The following MAP4K3 variants were observed in gnomAD, a reference collection of about 807,000 sequenced individuals.
The protein encoded by MAP4K3 is mitogen-activated protein kinase kinase kinase kinase 3, also known as MAPK/ERK kinase kinase kinase 3.
Under a neutral mutation model 143.5 loss-of-function variants are expected in MAP4K3, and 94 were observed. The observed-to-expected ratio is 0.65, with a 90% CI of 0.55 to 0.78. The LOEUF (loss-of-function observed/expected upper bound fraction) is 0.78. MAP4K3 is among the 30% of genes least tolerant of loss of function. MAP4K3 has a pLI of 0.00. For missense variants in MAP4K3, 1,077 were observed against 1,068.1 expected, an observed-to-expected ratio of 1.01 and a Z score of -0.12; for synonymous variants, 416 against 347.2, an observed-to-expected ratio of 1.20 and a Z score of -2.20.
intron 1 of MAP4K3, among the ~76,000 whole-genome samples, chr2:39,389,390 T>C (rs992289188): frequency 6.6e-4 from 101 of 152,218 alleles, no homozygotes; most frequent in African/African-American, 2.3e-3. Flanking sequence ...CAAGACACCA[T>C]GGCTGAAATT....
chr2:39,280,733 G>A (rs1681480829), intron 22 of MAP4K3, among the ~76,000 whole-genome samples: 1 of 152,066 alleles, frequency 6.6e-6, no homozygotes, highest in Non-Finnish European at 1.5e-5. Context: ...TACAAAGGAA[G>A]ACATTTTTCT....
chr2:39,387,448 G>A (rs1666535256), intron 1 of MAP4K3, among the ~76,000 whole-genome samples: 1 of 152,088 alleles, frequency 6.6e-6, no homozygotes, highest in Non-Finnish European at 1.5e-5. Context: ...GATCCTATAC[G>A]TAATTTCAAT....
chr2:39,296,425 A>T (rs536408469), intron 16 of MAP4K3, among the ~76,000 whole-genome samples: 6 of 152,222 alleles, frequency 3.9e-5, no homozygotes, highest in Non-Finnish European at 7.3e-5. Context: ...TCTCTTATGG[A>T]AGTTTTATAA....
intron 8 of MAP4K3, 26 bp from the exon 9 acceptor site, chr2:39,326,303 A>T: frequency 6.2e-7 from 1 of 1,609,914 alleles, no homozygotes; most frequent in Non-Finnish European, 8.5e-7. Context: ...CAGAAAATAA[A>T]AAACTTCTGT....
chr2:39,292,683 T>G, intron 18 of MAP4K3, 90 bp downstream of exon 18: 1 of 1,019,980 alleles, frequency 9.8e-7, no homozygotes, highest in East Asian at 2.4e-5. Flanking sequence ...TTACTGATAT[T>G]GAAATTTCCA....
rs1558597925 is a variant in MAP4K3 at position 39,249,566 on chromosome 2, C to A, written c.*1052G>T. 6.6e-6 allele frequency: 1 copy of A among 152,422 alleles called. No individual in the cohort carries two copies. Among genetic ancestry groups the A allele is most frequent in the Non-Finnish European group, 1.5e-5 (1 of 67,982 alleles). The allele number at this position is 152,422 out of a possible 1,614,324, so 9.4% of individuals were successfully genotyped here. A position where few individuals can be genotyped will look rare whatever the true frequency, so the allele number is the denominator to read the frequency against. On this transcript the variant is annotated 3_prime_UTR_variant, in exon 34 of 34. Coordinates refer to ENST00000263881, the MANE Select transcript of MAP4K3 (RefSeq NM_003618.4). ...TTATATTGTTTGTATGAGGTAGTAA[C>A]TAAATTATTTTGGCCATGTATTAAT...
chr2:39,311,868 G>C (rs1465924927), intron 13 of MAP4K3, among the ~76,000 whole-genome samples: 1 of 152,142 alleles, frequency 6.6e-6, no homozygotes, highest in African/African-American at 2.4e-5. Context: ...AATATGAGCA[G>C]ATATACAGAA....
intron 24 of MAP4K3, among the ~76,000 whole-genome samples, chr2:39,276,286 T>G (rs948457693): frequency 6.6e-6 from 1 of 152,230 alleles, no homozygotes; most frequent in African/African-American, 2.4e-5. Context: ...CATCCTTCAG[T>G]ATACTATACT....
chr2:39,297,786 C>A (rs937045214), intron 16 of MAP4K3, among the ~76,000 whole-genome samples: 2 of 152,172 alleles, frequency 1.3e-5, no homozygotes, highest in African/African-American at 2.4e-5. Context: ...CGAAACACAG[C>A]CAAAGAGCAA....
intron 15 of MAP4K3, among the ~76,000 whole-genome samples, chr2:39,306,900 C>A (rs980201303): frequency 1.3e-5 from 2 of 152,220 alleles, no homozygotes; most frequent in African/African-American, 2.4e-5. Flanking sequence ...GTTAGCTTCC[C>A]TCATCAACAC....
chr2:39,301,000 T>C (rs1391328834), intron 15 of MAP4K3, among the ~76,000 whole-genome samples: 3 of 152,222 alleles, frequency 2.0e-5, no homozygotes, highest in African/African-American at 7.2e-5. Flanking sequence ...TAAATAAAAC[T>C]TCAGCCTCGT....
intron 24 of MAP4K3, among the ~76,000 whole-genome samples, chr2:39,277,341 T>C (rs1681306725): frequency 6.6e-6 from 1 of 152,216 alleles, no homozygotes; most frequent in African/African-American, 2.4e-5. Flanking sequence ...TTCATCATAA[T>C]TTAAGGTCCA....
chr2:39,395,825 G>C (rs191420822), intron 1 of MAP4K3, among the ~76,000 whole-genome samples: 1 of 152,238 alleles, frequency 6.6e-6, no homozygotes, highest in East Asian at 1.9e-4. Flanking sequence ...GTTAAAAGGA[G>C]GGGGAGAAAC....
At chr2:39,290,390 T>A in intron 18 of MAP4K3, 56 bp from the exon 19 acceptor site, 1 of 1,097,148 alleles carries the variant, frequency 9.1e-7, no homozygotes, top group East Asian at 2.5e-5. Context: ...GAATCAATCC[T>A]AAAATATAAT....
chr2:39,263,316 A>C (rs1261592577), intron 28 of MAP4K3, among the ~76,000 whole-genome samples: 17 of 139,546 alleles, frequency 1.2e-4, no homozygotes, highest in African/African-American at 4.6e-4. Flanking sequence ...TCTGTGGCCC[A>C]GGCGGGAGTG....
chr2:39,256,068 T>C (rs1314157684), intron 31 of MAP4K3, among the ~76,000 whole-genome samples: 1 of 152,240 alleles, frequency 6.6e-6, no homozygotes, highest in Non-Finnish European at 1.5e-5. Flanking sequence ...TATTCTTATG[T>C]ATGTTACTTT....
At chr2:39,390,849 A>G (rs1666632169) in intron 1 of MAP4K3, among the ~76,000 whole-genome samples, 1 of 152,110 alleles carries the variant, frequency 6.6e-6, no homozygotes, top group Admixed American at 6.5e-5. Context: ...TCAATCCACA[A>G]CCTAAAAATC....
chr2:39,309,003 C>T (rs1172881456), intron 14 of MAP4K3, among the ~76,000 whole-genome samples: 1 of 151,902 alleles, frequency 6.6e-6, no homozygotes, highest in East Asian at 1.9e-4. Context: ...CATTTAATCA[C>T]AGAATGGTAA....
In MAP4K3 at chr2:39,293,115, T is replaced by C; in HGVS notation, c.1217+115A>G. 5 of 796,458 alleles carry C rather than the reference T, an allele frequency of 6.3e-6. No individual in the cohort carries two copies. In the South Asian group the frequency reaches 6.5e-5, roughly 10 times the overall value. 49.3% of individuals were successfully genotyped at this position (796,458 alleles called of 1,614,324 possible). On this transcript the variant is annotated intron_variant, in intron 17 of 33. Transcript: ENST00000263881. The stretch of plus-strand genomic sequence containing the variant: ...CTGGGCAACAGAGCGAGACCCTATC[T>C]CTATTAAAGAAAAAAAAGACAACGC...
Sources: allele counts gnomAD v4.1 joint callset (sites outside exome capture counted in the v4.1 genomes callset), GRCh38; gene constraint gnomAD v4.1.1; transcripts MANE v1.5; gene names NCBI Gene and HGNC (gene_info 2026-07-23, HGNC 2026-07-21).